The following GNAO1 variants were observed in gnomAD, a reference collection of about 807,000 sequenced individuals.
GNAO1 encodes the protein G protein subunit alpha o1, also known as guanine nucleotide-binding protein G(o) subunit alpha.
For missense variants in GNAO1, 166 were observed against 478.7 expected (o/e 0.35, Z 6.10); for synonymous variants, 164 against 180.7 (o/e 0.91, Z 0.74).
intron 4 of GNAO1, among the ~76,000 whole-genome samples, chr16:56,334,311 C>A (rs181156995): frequency 4.7e-4 from 72 of 152,344 alleles, no homozygotes; most frequent in African/African-American, 1.6e-3. Context: ...AAGGTACTTA[C>A]CTTCGATGAG....
At chr16:56,257,953 A>G (rs1392292279) in intron 2 of GNAO1, among the ~76,000 whole-genome samples, 2 of 152,258 alleles carry the variant, frequency 1.3e-5, no homozygotes, top group Admixed American at 1.3e-4. Flanking sequence ...AGCATGTCCG[A>G]TTCTTCAGGA....
intron 3 of GNAO1, among the ~76,000 whole-genome samples, chr16:56,323,802 G>A (rs947797445): frequency 7.2e-5 from 11 of 152,310 alleles, no homozygotes; most frequent in African/African-American, 2.4e-4. Context: ...GCAGGCTGAA[G>A]AGGAGAAGGA....
intron 6 of GNAO1, chr16:56,343,878 C>T (rs1201983974): frequency 1.2e-6 from 2 of 1,614,192 alleles, no homozygotes; most frequent in Admixed American, 1.7e-5. Context: ...ACACCAACAA[C>T]ATCCAGTTTG....
At chr16:56,242,872 C>T (rs1452676617) in intron 2 of GNAO1, among the ~76,000 whole-genome samples, 1 of 152,166 alleles carries the variant, frequency 6.6e-6, no homozygotes, top group Non-Finnish European at 1.5e-5. Context: ...GGTGGGAACC[C>T]ACCAGGCCAT....
At chr16:56,269,916 T>C (rs1347226664) in intron 2 of GNAO1, among the ~76,000 whole-genome samples, 6 of 152,138 alleles carry the variant, frequency 3.9e-5, no homozygotes, top group Non-Finnish European at 5.9e-5. Flanking sequence ...CTCCCAAGCC[T>C]GTGGTTCTGT....
At chr16:56,325,390 C>G (rs1243099946) in intron 3 of GNAO1, among the ~76,000 whole-genome samples, 1 of 152,238 alleles carries the variant, frequency 6.6e-6, no homozygotes, top group Non-Finnish European at 1.5e-5. Flanking sequence ...CCAGGAGAAT[C>G]TCTTGAACCC....
chr16:56,204,506 A>G (rs1454786898), intron 2 of GNAO1, among the ~76,000 whole-genome samples: 4 of 152,140 alleles, frequency 2.6e-5, no homozygotes, highest in South Asian at 4.1e-4. Context: ...ACCCACAGGT[A>G]GCTCCAACTG....
At chr16:56,232,621 C>G (rs1434209916) in intron 2 of GNAO1, among the ~76,000 whole-genome samples, 2 of 152,226 alleles carry the variant, frequency 1.3e-5, no homozygotes, top group Non-Finnish European at 2.9e-5. Context: ...AACTATTGGC[C>G]TCTCACAGAG....
intron 3 of GNAO1, chr16:56,302,253 C>G (rs552287423): frequency 6.6e-6 from 1 of 152,586 alleles, no homozygotes; most frequent in East Asian, 1.9e-4. Context: ...GACACACCCC[C>G]CCACCACCCA....
At chr16:56,284,487 C>T (rs1490144988) in intron 3 of GNAO1, among the ~76,000 whole-genome samples, 1 of 152,184 alleles carries the variant, frequency 6.6e-6, no homozygotes, top group African/African-American at 2.4e-5. Flanking sequence ...AGAACCAACC[C>T]AAAGGAACTG....
chr16:56,297,227 A>G (rs2037295546), intron 3 of GNAO1, among the ~76,000 whole-genome samples: 1 of 152,092 alleles, frequency 6.6e-6, no homozygotes, highest in African/African-American at 2.4e-5. Context: ...AAACATTAAT[A>G]TCTCTAACAT....
chr16:56,349,710 C>T (rs534996509), intron 6 of GNAO1, among the ~76,000 whole-genome samples: 12 of 152,278 alleles, frequency 7.9e-5, no homozygotes, highest in South Asian at 2.1e-4. Flanking sequence ...TGGGGAATAA[C>T]GCCATGCCAG....
intron 2 of GNAO1, among the ~76,000 whole-genome samples, chr16:56,232,066 TA>T (rs1383655890): frequency 4.2e-4 from 64 of 152,082 alleles, no homozygotes; most frequent in African/African-American, 1.3e-3. Context: ...CTAGAGAGGG[TA>T]AAGGACCTAC....
chr16:56,247,923 TA>T (rs2036764551), intron 2 of GNAO1, among the ~76,000 whole-genome samples: 1 of 152,200 alleles, frequency 6.6e-6, no homozygotes, highest in African/African-American at 2.4e-5. Context: ...GCAAAACAAT[TA>T]TGATACTGAA....
chr16:56,259,388 A>G (rs974628219), intron 2 of GNAO1, among the ~76,000 whole-genome samples: 5 of 150,552 alleles, frequency 3.3e-5, no homozygotes, highest in African/African-American at 9.9e-5. Flanking sequence ...AATGCTGGAA[A>G]TTATGTGTAT....
chr16:56,235,521 C>T, intron 2 of GNAO1: 1 of 427,656 alleles, frequency 2.3e-6, no homozygotes. Flanking sequence ...CCTCGACATC[C>T]CCTGAGAGCA....
In GNAO1 at chr16:56,192,233, A is replaced by T; in HGVS notation, c.-3A>T. 2 of 1,545,360 alleles carry T rather than the reference A, an allele frequency of 1.3e-6. No homozygotes were observed. The highest frequency in any genetic ancestry group is 1.8e-6 in the Non-Finnish European group (2 of 1,126,464). ...TGCGGGCTGTGGCAGGGAAGGGGCC[A>T]CCATGGGATGTACTCTGAGCGCAGA... On this transcript the variant is annotated 5_prime_UTR_variant, in exon 1 of 9. Coordinates refer to ENST00000262493, the MANE Select transcript of GNAO1 (RefSeq NM_020988.3).
Position 56,356,531 on chromosome 16 carries a change from G to T in GNAO1, c.*457G>T, listed in dbSNP as rs1338369477. On this transcript the variant is annotated 3_prime_UTR_variant, in exon 9 of 9. Coordinates refer to ENST00000262493, the MANE Select transcript of GNAO1 (RefSeq NM_020988.3). Reference sequence around the variant, plus strand: ...TGTGCTCAGGCCGGGCTTTCCAGAAGGCCACAGGCCACTGCAAACCCTGCT... The same window carrying T: ...TGTGCTCAGGCCGGGCTTTCCAGAATGCCACAGGCCACTGCAAACCCTGCT... 1.3e-5 allele frequency: 2 copies of T among 152,512 alleles called. No homozygotes were observed. Among genetic ancestry groups the T allele is most frequent in the African/African-American group, 2.4e-5 (1 of 41,452 alleles). The allele number at this position is 152,512 out of a possible 1,614,324, so 9.4% of individuals were successfully genotyped here.
At chr16:56,328,930 G>A in intron 4 of GNAO1, 139 bp downstream of exon 4, 2 of 798,974 alleles carry the variant, frequency 2.5e-6, no homozygotes, top group African/African-American at 1.7e-5. Context: ...CATAGGTAGA[G>A]GGTGTCAGGA....
Sources: allele counts gnomAD v4.1 joint callset (sites outside exome capture counted in the v4.1 genomes callset), GRCh38; gene constraint gnomAD v4.1.1; transcripts MANE v1.5; gene names NCBI Gene and HGNC (gene_info 2026-07-23, HGNC 2026-07-21).